Variants in KIAA0586 observed in about 807,000 individuals in gnomAD.
KIAA0586 encodes the protein KIAA0586, also known as protein TALPID3.
A neutral mutation model predicts 169.8 loss-of-function variants in KIAA0586; 144 were observed. The observed-to-expected ratio is 0.85, with a 90% confidence interval of 0.74 to 0.97. The LOEUF (loss-of-function observed/expected upper bound fraction) is 0.97. Ranked by LOEUF, KIAA0586 falls within the 50% of genes least tolerant of loss-of-function variation. The probability of loss-of-function intolerance (pLI) is 0.00; values close to 1 mark genes in which losing one functional copy is unlikely to be tolerated. For missense variants in KIAA0586, 1,854 were observed against 1,823.0 expected, an observed-to-expected ratio of 1.02 and a Z score of -0.31; for synonymous variants, 625 against 612.4, an observed-to-expected ratio of 1.02 and a Z score of -0.30.
At chr14:58,485,613 G>T (rs1002093338) in intron 21 of KIAA0586, among the ~76,000 whole-genome samples, 1 of 152,130 alleles carries the variant, frequency 6.6e-6, no homozygotes, top group African/African-American at 2.4e-5. Context: ...TCTGAGGAAG[G>T]GCTCTAGGTA....
intron 30 of KIAA0586, among the ~76,000 whole-genome samples, chr14:58,543,073 A>G (rs149122102): frequency 0.013 from 1,960 of 149,452 alleles, 31 homozygotes; most frequent in Non-Finnish European, 0.022. Context: ...TGGAGCTTGC[A>G]GTGAGCCAAG....
At position 58,508,541 on chromosome 14, in the gene KIAA0586, A is replaced by G. The variant is rs2044163320; in HGVS notation, c.4169-14A>G. ...CACTTTATTTTAACTTTTTATTTAC[A>G]TTTTTGATAACAGGTAGTATTTATG... On this transcript the variant is annotated splice_polypyrimidine_tract_variant and intron_variant, in intron 27 of 30. Transcript: ENST00000652326. 5.9e-6 allele frequency: 9 copies of G among 1,534,548 alleles called. No homozygotes were observed. Among genetic ancestry groups the G allele is most frequent in the Non-Finnish European group, 7.9e-6 (9 of 1,136,158 alleles).
intron 8 of KIAA0586, among the ~76,000 whole-genome samples, chr14:58,451,376 G>A (rs1293022237): frequency 4.0e-5 from 6 of 151,728 alleles, no homozygotes; most frequent in South Asian, 2.1e-4. Flanking sequence ...ACAGGTGCAC[G>A]CCACCACACC....
chr14:58,556,613 A>G, the KIAA0586 span, among the ~76,000 whole-genome samples: 190 of 152,310 alleles, frequency 1.2e-3, 4 homozygotes, highest in East Asian at 0.033. Context: ...TCTGACTTCT[A>G]TCACCATCAG....
intron 28 of KIAA0586, 100 bp downstream of exon 28, chr14:58,508,809 T>G (rs2044183911): frequency 2.4e-6 from 2 of 832,176 alleles, no homozygotes; most frequent in African/African-American, 3.4e-5. Context: ...TGGAGTCAGA[T>G]AGCTTCAAAT....
downstream of KIAA0586, among the ~76,000 whole-genome samples, chr14:58,552,187 A>C (rs1405262865): frequency 6.6e-6 from 1 of 152,222 alleles, no homozygotes; most frequent in Admixed American, 6.5e-5. Flanking sequence ...GAAATGCACT[A>C]GAGAAAAGCC....
chr14:58,547,720 A>G (rs1219096902), intron 30 of KIAA0586, 61 bp from the exon 31 acceptor site: 14 of 1,444,718 alleles, frequency 9.7e-6, no homozygotes, highest in African/African-American at 1.4e-5. Context: ...TTCGCAAAGC[A>G]TAAAGCACGT....
At chr14:58,445,148 CAT>C (rs895772166) in intron 6 of KIAA0586, among the ~76,000 whole-genome samples, 15 of 150,780 alleles carry the variant, frequency 9.9e-5, no homozygotes, top group Admixed American at 2.0e-4. Flanking sequence ...CACACACACA[CAT>C]ATACACATAC....
Position 58,540,111 on chromosome 14 carries a change from T to A in KIAA0586, c.4470T>A (p.Asn1490Lys). The change falls in exon 30 of 31, where the codon AAT becomes AAA. Residue 1490 changes from asparagine to lysine, a missense_variant. Asn to Lys is a moderately conservative substitution (Grantham distance 94). Coordinates refer to ENST00000652326, the MANE Select transcript of KIAA0586 (RefSeq NM_001329943.3). Reference sequence around the variant, plus strand: ...TGGATCGGACACAAATTGAGCTTAATCCGTACCTCACATGTGTATTTTCAG... The same window carrying A: ...TGGATCGGACACAAATTGAGCTTAAACCGTACCTCACATGTGTATTTTCAG... ...GDMDRTQIEL[N>K]PYLTCVFSGG... is the part of the protein sequence containing the mutation. 6.4e-7 allele frequency: 1 copy of A among 1,561,030 alleles called. No homozygotes were observed. The highest frequency in any genetic ancestry group is 8.7e-7 in the Non-Finnish European group (1 of 1,148,950).
rs1237434734 is a variant in KIAA0586 at position 58,507,251 on chromosome 14, A to C, written c.4169-1304A>C. 6.0e-4 allele frequency among the ~76,000 whole-genome samples: 3 copies of C among 5,016 alleles called. No homozygotes were observed. In the Non-Finnish European group the frequency reaches 0.014, roughly 24 times the overall value. 3.3% of individuals were successfully genotyped at this position (5,016 alleles called of 152,430 possible). A position where few individuals can be genotyped will look rare whatever the true frequency, so the allele number is the denominator to read the frequency against. On this transcript the variant is annotated intron_variant, in intron 27 of 30. Transcript: ENST00000652326. Reference sequence around the variant, plus strand: ...ATCTATATGTATGATTTATATATAAATCATGTATGATTTATATATATGTAT... The same window carrying C: ...ATCTATATGTATGATTTATATATAACTCATGTATGATTTATATATATGTAT...
At chr14:58,495,783 T>G (rs1344804086) in intron 26 of KIAA0586, among the ~76,000 whole-genome samples, 2 of 152,180 alleles carry the variant, frequency 1.3e-5, no homozygotes, top group African/African-American at 4.8e-5. Context: ...GTTCCAAGTA[T>G]TCTCTAATCA....
Position 58,540,061 on chromosome 14 carries a change from T to G in KIAA0586, c.4430-10T>G. On this transcript the variant is annotated splice_polypyrimidine_tract_variant and intron_variant, in intron 29 of 30. Coordinates refer to ENST00000652326, the MANE Select transcript of KIAA0586 (RefSeq NM_001329943.3). ...CTGATTTTCTTCTGAAAAAATAAAT[T>G]TTTATGTAGTTTCACCAGGTGATAT... The G allele has an allele frequency of 6.6e-7, 1 of 1,509,532 alleles. No homozygotes were observed. Among genetic ancestry groups the G allele is most frequent in the South Asian group, 1.2e-5 (1 of 82,114 alleles). The allele number at this position is 1,509,532 out of a possible 1,614,324, so 93.5% of individuals were successfully genotyped here.
chr14:58,457,276 T>C (rs560282275), intron 10 of KIAA0586, among the ~76,000 whole-genome samples: 1 of 152,188 alleles, frequency 6.6e-6, no homozygotes, highest in African/African-American at 2.4e-5. Context: ...TTTTTTTTCT[T>C]TTCTTTTTTT....
At chr14:58,523,304 G>A (rs2045351776) in intron 29 of KIAA0586, among the ~76,000 whole-genome samples, 1 of 152,028 alleles carries the variant, frequency 6.6e-6, no homozygotes, top group African/African-American at 2.4e-5. Context: ...TGTGTATGGA[G>A]AGCTTGGGTT....
At chr14:58,453,982 C>T (rs529717390) in intron 9 of KIAA0586, among the ~76,000 whole-genome samples, 87 of 152,120 alleles carry the variant, frequency 5.7e-4, no homozygotes, top group African/African-American at 2.0e-3. Context: ...CTAGAGGAGC[C>T]ATATGTTGAG....
At chr14:58,481,430 A>G (rs1189344629) in intron 20 of KIAA0586, among the ~76,000 whole-genome samples, 1 of 152,198 alleles carries the variant, frequency 6.6e-6, no homozygotes. Flanking sequence ...GATAACAAGC[A>G]CCTCAACTGC....
chr14:58,436,477 A>G (rs930039384), intron 4 of KIAA0586, among the ~76,000 whole-genome samples: 2 of 152,230 alleles, frequency 1.3e-5, no homozygotes, highest in Non-Finnish European at 2.9e-5. Flanking sequence ...ATGTTCTTGG[A>G]TGGGAAGACT....
chr14:58,429,255 A>C, intron 1 of KIAA0586, 108 bp from the exon 2 acceptor site: 1 of 634,722 alleles, frequency 1.6e-6, no homozygotes, highest in Non-Finnish European at 2.8e-6. Context: ...TTGTCTTTCC[A>C]ACTTCTGCGT....
At chr14:58,538,278 T>A (rs2046424525) in intron 29 of KIAA0586, among the ~76,000 whole-genome samples, 2 of 152,216 alleles carry the variant, frequency 1.3e-5, no homozygotes, top group Non-Finnish European at 2.9e-5. Flanking sequence ...ACATTAAATT[T>A]TCTACAGTAT....
Sources: allele counts gnomAD v4.1 joint callset (sites outside exome capture counted in the v4.1 genomes callset), GRCh38; gene constraint gnomAD v4.1.1; transcripts MANE v1.5; gene names NCBI Gene and HGNC (gene_info 2026-07-23, HGNC 2026-07-21).